PDZRN4: variants seen among roughly 807,000 people sequenced by gnomAD.
The protein encoded by PDZRN4 is PDZ domain-containing RING finger protein 4.
A neutral mutation model predicts 99.0 loss-of-function variants in PDZRN4; 70 were observed. The observed-to-expected ratio is 0.71, with a 90% CI of 0.58 to 0.86. The LOEUF is 0.86. Ranked by LOEUF, PDZRN4 falls within the 40% of genes least tolerant of loss-of-function variation. PDZRN4 has a pLI of 0.00. For synonymous variants in PDZRN4, 551 were observed against 501.6 expected, an observed-to-expected ratio of 1.10 and a Z score of -1.32; for missense variants, 1,474 against 1,331.2, an observed-to-expected ratio of 1.11 and a Z score of -1.67.
intron 5 of PDZRN4, among the ~76,000 whole-genome samples, chr12:41,540,816 G>C (rs2120766247): frequency 6.6e-6 from 1 of 152,084 alleles, no homozygotes; most frequent in Admixed American, 6.5e-5. Context: ...TTTCCTACTT[G>C]CCTTTTTCTT....
chr12:41,470,168 T>G (rs1952972556), intron 3 of PDZRN4, among the ~76,000 whole-genome samples: 1 of 152,132 alleles, frequency 6.6e-6, no homozygotes, highest in Non-Finnish European at 1.5e-5. Context: ...TTACAAACCC[T>G]TTCAGTTTTG....
At chr12:41,256,934 A>T (rs1951208032) in intron 3 of PDZRN4, among the ~76,000 whole-genome samples, 2 of 152,156 alleles carry the variant, frequency 1.3e-5, no homozygotes. Context: ...TTTCATTGTT[A>T]TACATATCAC....
At chr12:41,376,803 A>G (rs1442817165) in intron 3 of PDZRN4, among the ~76,000 whole-genome samples, 1 of 152,164 alleles carries the variant, frequency 6.6e-6, no homozygotes, top group Non-Finnish European at 1.5e-5. Context: ...GTCATTGCCA[A>G]GACCAGTGTC....
chr12:41,469,348 C>A (rs1277148224), intron 3 of PDZRN4, among the ~76,000 whole-genome samples: 1 of 152,164 alleles, frequency 6.6e-6, no homozygotes, highest in Non-Finnish European at 1.5e-5. Flanking sequence ...AGAATTTCAA[C>A]TGACCTTGTT....
chr12:41,240,100 T>G (rs911184865), intron 3 of PDZRN4, among the ~76,000 whole-genome samples: 1 of 150,674 alleles, frequency 6.6e-6, no homozygotes, highest in East Asian at 2.0e-4. Context: ...TGTATTTTCT[T>G]TCTTCTCTTT....
intron 3 of PDZRN4, among the ~76,000 whole-genome samples, chr12:41,235,448 G>A (rs1433279133): frequency 1.3e-5 from 2 of 152,034 alleles, no homozygotes; most frequent in Non-Finnish European, 2.9e-5. Context: ...ATATTAACCA[G>A]GGCCACACAT....
At chr12:41,567,923 A>T (rs773082804) in intron 9 of PDZRN4, 24 bp downstream of exon 9, 2 of 1,275,864 alleles carry the variant, frequency 1.6e-6, no homozygotes, top group South Asian at 2.6e-5. Context: ...TTTGAACTAC[A>T]TCATTTGATA....
chr12:41,301,399 G>T (rs1565545899), intron 3 of PDZRN4, among the ~76,000 whole-genome samples: 1 of 151,952 alleles, frequency 6.6e-6, no homozygotes, highest in Non-Finnish European at 1.5e-5. Context: ...GAGGACTGTT[G>T]TTTCTATTTT....
chr12:41,368,384 C>G (rs1952017471), intron 3 of PDZRN4, among the ~76,000 whole-genome samples: 2 of 152,018 alleles, frequency 1.3e-5, no homozygotes, highest in South Asian at 4.2e-4. Flanking sequence ...CCAAGCACAC[C>G]TAATAGTGCC....
chr12:41,313,788 G>A (rs1455039508), intron 3 of PDZRN4, among the ~76,000 whole-genome samples: 1 of 152,120 alleles, frequency 6.6e-6, no homozygotes, highest in Non-Finnish European at 1.5e-5. Context: ...TTTATTGCCA[G>A]GTACAAAGTC....
chr12:41,265,585 A>C (rs1951270289), intron 3 of PDZRN4, among the ~76,000 whole-genome samples: 1 of 152,170 alleles, frequency 6.6e-6, no homozygotes, highest in African/African-American at 2.4e-5. Flanking sequence ...CTACATTAGG[A>C]GTGCTGCTTT....
At chr12:41,394,989 G>A (rs1952236503) in intron 3 of PDZRN4, among the ~76,000 whole-genome samples, 1 of 152,060 alleles carries the variant, frequency 6.6e-6, no homozygotes. Context: ...CCTCTTGAAG[G>A]AAAAAGTATG....
chr12:41,445,507 A>G (rs757583281), intron 3 of PDZRN4, among the ~76,000 whole-genome samples: 9 of 152,116 alleles, frequency 5.9e-5, no homozygotes, highest in African/African-American at 1.9e-4. Flanking sequence ...TTCATTTTAT[A>G]TAAGTAGATT....
intron 3 of PDZRN4, among the ~76,000 whole-genome samples, chr12:41,322,037 T>C (rs1429940720): frequency 6.6e-6 from 1 of 152,072 alleles, no homozygotes; most frequent in African/African-American, 2.4e-5. Flanking sequence ...TCAATTTTTG[T>C]TTTGTTTTGT....
chr12:41,397,897 A>G (rs1952261229), intron 3 of PDZRN4, among the ~76,000 whole-genome samples: 1 of 152,140 alleles, frequency 6.6e-6, no homozygotes, highest in Non-Finnish European at 1.5e-5. Context: ...AAAGATACAC[A>G]GAATTGCCAC....
intron 5 of PDZRN4, among the ~76,000 whole-genome samples, chr12:41,516,722 C>T (rs2120702336): frequency 6.6e-6 from 1 of 151,210 alleles, no homozygotes; most frequent in African/African-American, 2.4e-5. Flanking sequence ...CCTATACATC[C>T]TGGTTTGCCC....
intron 3 of PDZRN4, among the ~76,000 whole-genome samples, chr12:41,424,974 T>C (rs1306252742): frequency 2.6e-5 from 4 of 152,080 alleles, no homozygotes; most frequent in Non-Finnish European, 4.4e-5. Flanking sequence ...CTTCTGGGGC[T>C]GGGAAAAGAA....
intron 5 of PDZRN4, among the ~76,000 whole-genome samples, chr12:41,530,054 C>T (rs1048906375): frequency 6.6e-6 from 1 of 152,184 alleles, no homozygotes; most frequent in African/African-American, 2.4e-5. Flanking sequence ...CTTTCATTCT[C>T]ACTATTTATC....
intron 3 of PDZRN4, among the ~76,000 whole-genome samples, chr12:41,431,985 T>C (rs184599969): frequency 9.7e-4 from 148 of 152,364 alleles, no homozygotes; most frequent in Non-Finnish European, 1.6e-3. Context: ...CAACATCTAA[T>C]GATTTCTGTA....
Sources: allele counts gnomAD v4.1 joint callset (sites outside exome capture counted in the v4.1 genomes callset), GRCh38; gene constraint gnomAD v4.1.1; transcripts MANE v1.5; gene names NCBI Gene and HGNC (gene_info 2026-07-23, HGNC 2026-07-21).